Variants in CNBD1 observed in about 807,000 individuals in gnomAD.
CNBD1 encodes the protein cyclic nucleotide binding domain containing 1.
CNBD1 carries 71 observed loss-of-function variants against 54.4 expected under a neutral mutation model. That is an observed-to-expected ratio of 1.30 (90% confidence interval 1.08 to 1.59). The LOEUF is 1.59. Among genes scored for constraint, CNBD1 ranks in the 40% most tolerant of loss-of-function variants. The pLI is 0.00. For synonymous variants in CNBD1, 182 were observed against 170.7 expected (o/e 1.07, Z -0.51); for missense variants, 659 against 518.0 (o/e 1.27, Z -2.64).
intron 2 of CNBD1, among the ~76,000 whole-genome samples, chr8:87,420,165 T>A (rs1807907514): frequency 6.6e-6 from 1 of 151,352 alleles, no homozygotes; most frequent in Non-Finnish European, 1.5e-5. Flanking sequence ...TTAGTTTTAA[T>A]TTTTTTTGCT....
At chr8:87,302,004 C>T (rs1303455073) in intron 8 of CNBD1, among the ~76,000 whole-genome samples, 1 of 152,036 alleles carries the variant, frequency 6.6e-6, no homozygotes, top group African/African-American at 2.4e-5. Flanking sequence ...TAATAGCTTA[C>T]CAACCAAAAA....
intron 6 of CNBD1, among the ~76,000 whole-genome samples, chr8:87,256,654 T>C (rs1269588399): frequency 9.1e-6 from 1 of 110,310 alleles, no homozygotes; most frequent in Non-Finnish European, 1.9e-5. Flanking sequence ...TAAAGATCAG[T>C]GATTTGGGGG....
At chr8:87,365,745 C>T (rs1397474208) in intron 10 of CNBD1, among the ~76,000 whole-genome samples, 2 of 151,938 alleles carry the variant, frequency 1.3e-5, no homozygotes, top group Non-Finnish European at 2.9e-5. Flanking sequence ...TTAAAATTAA[C>T]ATTAATATGG....
intron 4 of CNBD1, among the ~76,000 whole-genome samples, chr8:87,111,177 G>A (rs1261603941): frequency 6.6e-6 from 1 of 152,160 alleles, no homozygotes; most frequent in Non-Finnish European, 1.5e-5. Flanking sequence ...GGCTTTTCCT[G>A]TAACAATAAC....
intron 4 of CNBD1, among the ~76,000 whole-genome samples, chr8:87,173,728 TTTAA>T (rs1244280308): frequency 6.6e-6 from 1 of 151,804 alleles, no homozygotes; most frequent in Non-Finnish European, 1.5e-5. Flanking sequence ...ATTAAATGCC[TTTAA>T]TTAATCTTCT....
At chr8:87,424,670 C>G (rs971589230) in intron 2 of CNBD1, among the ~76,000 whole-genome samples, 1 of 152,076 alleles carries the variant, frequency 6.6e-6, no homozygotes, top group Admixed American at 6.6e-5. Flanking sequence ...CTGGCTTGTA[C>G]GGTTTCTGCC....
intron 4 of CNBD1, among the ~76,000 whole-genome samples, chr8:86,981,930 G>A (rs1360041015): frequency 6.6e-6 from 1 of 152,168 alleles, no homozygotes; most frequent in Non-Finnish European, 1.5e-5. Context: ...TTAACACACA[G>A]AAGTGGGATT....
intron 4 of CNBD1, among the ~76,000 whole-genome samples, chr8:86,961,862 A>G (rs188862634): frequency 6.8e-4 from 104 of 152,378 alleles, no homozygotes; most frequent in Admixed American, 1.0e-3. Flanking sequence ...TTATATAAAC[A>G]TCATACACAT....
Position 87,321,523 on chromosome 8 carries a change from C to G in CNBD1, c.1043-30162C>G, listed in dbSNP as rs984260215. Among the ~76,000 whole-genome samples the G allele has an allele frequency of 2.0e-4, 30 of 152,024 alleles. 1 individual carries two copies. The highest frequency in any genetic ancestry group is 3.7e-4 in the Non-Finnish European group (25 of 67,994). On this transcript the variant is annotated intron_variant, in intron 8 of 10. Coordinates refer to ENST00000518476, the MANE Select transcript of CNBD1 (RefSeq NM_173538.3). ...GAAATATCTATTCAAATCTCTTGCC[C>G]ATTTTTTAAAGGGTTTTTTGATTTT...
chr8:86,984,829 C>T (rs1268549422), intron 4 of CNBD1, among the ~76,000 whole-genome samples: 4 of 152,104 alleles, frequency 2.6e-5, no homozygotes, highest in South Asian at 2.1e-4. Flanking sequence ...AAGGGACTTC[C>T]CTTGTCTCAA....
At chr8:87,215,528 C>T (rs976602688) in intron 5 of CNBD1, among the ~76,000 whole-genome samples, 1 of 148,242 alleles carries the variant, frequency 6.7e-6, no homozygotes, top group African/African-American at 2.5e-5. Flanking sequence ...GCGGAGCTTG[C>T]AGTAAGCCGA....
chr8:86,867,206 T>C (rs1808377848), intron 1 of CNBD1, among the ~76,000 whole-genome samples: 1 of 151,106 alleles, frequency 6.6e-6, no homozygotes, highest in Admixed American at 6.6e-5. Context: ...TAAACACTTC[T>C]CATGGCCATC....
intron 4 of CNBD1, among the ~76,000 whole-genome samples, chr8:87,104,048 T>C (rs1352372916): frequency 6.6e-6 from 1 of 152,198 alleles, no homozygotes; most frequent in Non-Finnish European, 1.5e-5. Flanking sequence ...ATGATGGTCA[T>C]GGTCAGCCAT....
chr8:86,953,499 CG>C (rs2130452300), intron 4 of CNBD1, among the ~76,000 whole-genome samples: 1 of 152,270 alleles, frequency 6.6e-6, no homozygotes, highest in East Asian at 1.9e-4. Flanking sequence ...CTAGAAATCC[CG>C]TACAATTTTG....
chr8:87,257,982 CAA>C (rs1563526946), intron 6 of CNBD1, among the ~76,000 whole-genome samples: 1 of 152,098 alleles, frequency 6.6e-6, no homozygotes, highest in Non-Finnish European at 1.5e-5. Flanking sequence ...AAATCCCATA[CAA>C]TTTTGAAACA....
rs138357115 is a variant in CNBD1 at position 87,289,759 on chromosome 8, A to G, written c.1042+3088A>G. On this transcript the variant is annotated intron_variant, in intron 8 of 10. Transcript: ENST00000518476. ...CCAAATGTGGAGTGTTTCAGTCACAAAATACATAGGCTCTACATCCCTTCA... is the reference window on the plus strand; with the variant it reads ...CCAAATGTGGAGTGTTTCAGTCACAGAATACATAGGCTCTACATCCCTTCA... Among the ~76,000 whole-genome samples, 157 of 152,238 alleles carry G rather than the reference A, an allele frequency of 1.0e-3. 1 individual carries two copies. Among genetic ancestry groups the G allele is most frequent in the African/African-American group, 3.6e-3 (151 of 41,568 alleles).
intron 3 of CNBD1, among the ~76,000 whole-genome samples, chr8:86,906,386 A>G (rs562280017): frequency 1.3e-5 from 2 of 152,294 alleles, no homozygotes; most frequent in African/African-American, 4.8e-5. Flanking sequence ...CTTTTCAAGA[A>G]CAATTCTGTT....
chr8:86,959,978 C>T (rs530452352), intron 4 of CNBD1, among the ~76,000 whole-genome samples: 12 of 152,242 alleles, frequency 7.9e-5, no homozygotes, highest in East Asian at 1.9e-4. Context: ...TTCTCCCCAT[C>T]GTTGTTGTTT....
intron 2 of CNBD1, among the ~76,000 whole-genome samples, chr8:87,420,691 A>C (rs1298756470): frequency 1.3e-5 from 2 of 151,810 alleles, no homozygotes; most frequent in Non-Finnish European, 2.9e-5. Flanking sequence ...ATGTAATAAT[A>C]ATGCTTTAGG....
Sources: gnomAD v4.1 joint callset for allele counts (sites outside exome capture counted in the v4.1 genomes callset) on GRCh38, gnomAD v4.1.1 for gene constraint, MANE v1.5 for transcripts, NCBI Gene and HGNC (gene_info 2026-07-23, HGNC 2026-07-21) for gene names.